Variants in PCCA observed in about 807,000 individuals in gnomAD.
PCCA encodes the protein propionyl-CoA carboxylase subunit alpha.
A neutral mutation model predicts 101.3 loss-of-function variants in PCCA; 74 were observed. The ratio of observed to expected loss-of-function variants is 0.73; its 90% confidence interval spans 0.61 to 0.89. The LOEUF is 0.89. Ranked by LOEUF, PCCA falls within the 40% of genes least tolerant of loss-of-function variation. The pLI is 0.00. For missense variants in PCCA, 891 were observed against 907.0 expected (o/e 0.98, Z 0.23); for synonymous variants, 294 against 313.6 (o/e 0.94, Z 0.66).
chr13:100,355,341 C>G (rs151249080), intron 18 of PCCA, among the ~76,000 whole-genome samples: 2 of 151,960 alleles, frequency 1.3e-5, no homozygotes, highest in African/African-American at 4.8e-5. Context: ...AAACCCACAC[C>G]TGAAAATAAG....
chr13:100,181,932 T>A (rs1386952595), intron 6 of PCCA, among the ~76,000 whole-genome samples: 1 of 141,790 alleles, frequency 7.1e-6, no homozygotes, highest in East Asian at 2.2e-4. Context: ...ACCTGGCTAA[T>A]TTTTGTATTT....
At chr13:100,494,170 A>G (rs2085105292) in intron 21 of PCCA, among the ~76,000 whole-genome samples, 1 of 152,072 alleles carries the variant, frequency 6.6e-6, no homozygotes, top group African/African-American at 2.4e-5. Context: ...GCCTGGTGAC[A>G]GAGGAGACTC....
chr13:100,274,922 G>T (rs2063537581), intron 12 of PCCA, among the ~76,000 whole-genome samples: 2 of 152,076 alleles, frequency 1.3e-5, no homozygotes, highest in African/African-American at 4.8e-5. Context: ...ACTTGCCTAG[G>T]ACTGGGGTGG....
At chr13:100,316,154 G>T (rs1230745439) in intron 16 of PCCA, among the ~76,000 whole-genome samples, 1 of 152,146 alleles carries the variant, frequency 6.6e-6, no homozygotes, top group African/African-American at 2.4e-5. Context: ...TTTGTTGTCT[G>T]CCATGAGCCA....
chr13:100,484,464 A>C (rs1477375599), intron 21 of PCCA, among the ~76,000 whole-genome samples: 1 of 152,190 alleles, frequency 6.6e-6, no homozygotes, highest in African/African-American at 2.4e-5. Context: ...CTGCACCTCA[A>C]GTTTTTGATG....
intron 6 of PCCA, among the ~76,000 whole-genome samples, chr13:100,192,097 T>C (rs2152450364): frequency 6.6e-6 from 1 of 152,324 alleles, no homozygotes; most frequent in Non-Finnish European, 1.5e-5. Context: ...GAATTGCCTT[T>C]GTCTTTTATT....
intron 16 of PCCA, among the ~76,000 whole-genome samples, chr13:100,321,591 C>CTGTGTGTGTGTGTGTG (rs35931512): frequency 7.6e-6 from 1 of 131,918 alleles, no homozygotes; most frequent in Admixed American, 7.9e-5. Context: ...TATAGAAGAT[C>CTGTGTGTGTGTGTGTG]TGTGTGTGTG....
At chr13:100,511,886 A>G (rs2152995825) in intron 21 of PCCA, among the ~76,000 whole-genome samples, 1 of 152,310 alleles carries the variant, frequency 6.6e-6, no homozygotes, top group South Asian at 2.1e-4. Flanking sequence ...AGGTGCATGT[A>G]CTGTACAAAT....
intron 21 of PCCA, among the ~76,000 whole-genome samples, chr13:100,451,844 C>CTT: frequency 1.6e-5 from 1 of 62,022 alleles, no homozygotes; most frequent in Non-Finnish European, 3.7e-5. Flanking sequence ...TCCTCTCTCT[C>CTT]CTCTCTCTCC....
chr13:100,137,052 T>C (rs1003518110), intron 4 of PCCA, among the ~76,000 whole-genome samples: 4 of 151,712 alleles, frequency 2.6e-5, no homozygotes, highest in Non-Finnish European at 4.4e-5. Flanking sequence ...CATCTAATAT[T>C]TTTTTTTATA....
At chr13:100,478,689 C>A (rs902775025) in intron 21 of PCCA, among the ~76,000 whole-genome samples, 1 of 152,158 alleles carries the variant, frequency 6.6e-6, no homozygotes, top group Admixed American at 6.5e-5. Flanking sequence ...GGAGCGGTCA[C>A]CCTGGGAGTG....
At chr13:100,238,089 C>A (rs1051623417) in intron 8 of PCCA, among the ~76,000 whole-genome samples, 1 of 151,962 alleles carries the variant, frequency 6.6e-6, no homozygotes, top group Non-Finnish European at 1.5e-5. Context: ...CAGGCACACA[C>A]CACAATGCCA....
At chr13:100,278,485 A>AC (rs1555403433) in intron 12 of PCCA, among the ~76,000 whole-genome samples, 3 of 141,674 alleles carry the variant, frequency 2.1e-5, no homozygotes, top group Non-Finnish European at 3.1e-5. Context: ...CCGATAGTTG[A>AC]TTTTTTTTTT....
intron 19 of PCCA, among the ~76,000 whole-genome samples, chr13:100,369,241 A>G (rs77943145): frequency 0.034 from 5,117 of 152,284 alleles, 274 homozygotes; most frequent in African/African-American, 0.12. Flanking sequence ...GGTTGCTATT[A>G]ATATATAGTT....
chr13:100,328,433 G>A (rs2069004897), intron 16 of PCCA, among the ~76,000 whole-genome samples: 2 of 149,168 alleles, frequency 1.3e-5, no homozygotes, highest in South Asian at 4.2e-4. Flanking sequence ...TATTTTATGT[G>A]AATATCTTCT....
chr13:100,310,731 G>C (rs1358850777), intron 16 of PCCA, among the ~76,000 whole-genome samples: 1 of 152,072 alleles, frequency 6.6e-6, no homozygotes, highest in African/African-American at 2.4e-5. Flanking sequence ...AGGTTCACCA[G>C]TTACTACAGT....
At chr13:100,154,846 G>T in intron 4 of PCCA, 133 bp from the exon 5 acceptor site, 1 of 721,074 alleles carries the variant, frequency 1.4e-6, no homozygotes, top group Non-Finnish European at 2.5e-6. Flanking sequence ...GCTTTTTAGT[G>T]CATACTCAAA....
At chr13:100,136,668 C>T (rs2051213467) in intron 4 of PCCA, among the ~76,000 whole-genome samples, 1 of 152,102 alleles carries the variant, frequency 6.6e-6, no homozygotes, top group Non-Finnish European at 1.5e-5. Context: ...TTCATTTCAT[C>T]TAAATTGTCC....
At chr13:100,090,033 C>T (rs917383838) in intron 1 of PCCA, among the ~76,000 whole-genome samples, 7 of 152,234 alleles carry the variant, frequency 4.6e-5, no homozygotes, top group Admixed American at 4.6e-4. Flanking sequence ...CACTTGAACA[C>T]ATTCTTTAAA....
Sources: gnomAD v4.1 joint callset for allele counts (sites outside exome capture counted in the v4.1 genomes callset) on GRCh38, gnomAD v4.1.1 for gene constraint, MANE v1.5 for transcripts, NCBI Gene and HGNC (gene_info 2026-07-23, HGNC 2026-07-21) for gene names.